SHISA9: variants seen among roughly 807,000 people sequenced by gnomAD.
SHISA9 encodes shisa family member 9.
SHISA9 carries 13 observed loss-of-function variants against 38.0 expected under a neutral mutation model. The ratio of observed to expected loss-of-function variants is 0.34; its 90% CI spans 0.22 to 0.54. The LOEUF (loss-of-function observed/expected upper bound fraction) is 0.54, where lower values mean the gene tolerates loss of function less well. Among genes scored for constraint, SHISA9 ranks in the 20% least tolerant of loss-of-function variants. The pLI is 0.91. For missense variants in SHISA9, 538 were observed against 575.8 expected, an observed-to-expected ratio of 0.93 and a Z score of 0.67; for synonymous variants, 275 against 242.0, an observed-to-expected ratio of 1.14 and a Z score of -1.27.
At chr16:13,356,293 G>T in the SHISA9 span, among the ~76,000 whole-genome samples, 1 of 152,212 alleles carries the variant, frequency 6.6e-6, no homozygotes, top group South Asian at 2.1e-4. Context: ...GAATAAGACG[G>T]CCTTTTGCCT....
the SHISA9 span, among the ~76,000 whole-genome samples, chr16:13,434,110 T>C: frequency 6.6e-6 from 1 of 152,080 alleles, no homozygotes; most frequent in South Asian, 2.1e-4. Context: ...GTCCCAAAGC[T>C]GAAGAACCTG....
At chr16:13,210,477 G>C (rs1213912318) in intron 3 of SHISA9, among the ~76,000 whole-genome samples, 1 of 152,104 alleles carries the variant, frequency 6.6e-6, no homozygotes, top group African/African-American at 2.4e-5. Context: ...GTTGCTATTT[G>C]ACAGATGATT....
At chr16:13,529,938 C>A in the SHISA9 span, among the ~76,000 whole-genome samples, 1 of 152,192 alleles carries the variant, frequency 6.6e-6, no homozygotes, top group Non-Finnish European at 1.5e-5. Flanking sequence ...TAACTGCAGC[C>A]AATGAGACAA....
chr16:13,060,234 A>C (rs1011441434), intron 2 of SHISA9, among the ~76,000 whole-genome samples: 3 of 152,098 alleles, frequency 2.0e-5, no homozygotes, highest in African/African-American at 4.8e-5. Flanking sequence ...TGGGAAAACC[A>C]TTTAGATTTC....
chr16:13,293,884 G>A, the SHISA9 span, among the ~76,000 whole-genome samples: 11 of 152,244 alleles, frequency 7.2e-5, no homozygotes, highest in Non-Finnish European at 1.5e-5. Flanking sequence ...ATAAGCCATA[G>A]GAACTTAGAA....
the SHISA9 span, among the ~76,000 whole-genome samples, chr16:13,334,890 T>C: frequency 6.6e-6 from 1 of 152,114 alleles, no homozygotes; most frequent in Non-Finnish European, 1.5e-5. Context: ...GCCACATCAA[T>C]GCTCAGCAAA....
chr16:13,114,730 C>G (rs960729067), intron 2 of SHISA9, among the ~76,000 whole-genome samples: 1 of 152,024 alleles, frequency 6.6e-6, no homozygotes, highest in Non-Finnish European at 1.5e-5. Context: ...TGCTTAATTC[C>G]TAGTCTCTTA....
At chr16:12,995,495 T>A (rs548506744) in intron 2 of SHISA9, among the ~76,000 whole-genome samples, 6 of 152,182 alleles carry the variant, frequency 3.9e-5, no homozygotes, top group Admixed American at 1.3e-4. Flanking sequence ...ATGGTGGGGT[T>A]CTATAGACCA....
At chr16:13,437,539 C>A in the SHISA9 span, among the ~76,000 whole-genome samples, 1 of 152,166 alleles carries the variant, frequency 6.6e-6, no homozygotes, top group African/African-American at 2.4e-5. Flanking sequence ...CCGGATGAGA[C>A]CCAGCCTGGC....
At chr16:13,168,630 C>T (rs1418150203) in intron 2 of SHISA9, among the ~76,000 whole-genome samples, 1 of 152,176 alleles carries the variant, frequency 6.6e-6, no homozygotes. Context: ...CTAGAGAAAG[C>T]TGGCCAGAAA....
the SHISA9 span, among the ~76,000 whole-genome samples, chr16:13,314,302 C>T: frequency 1.3e-5 from 2 of 152,072 alleles, no homozygotes; most frequent in East Asian, 1.9e-4. Context: ...AAACCTCCGC[C>T]TCCCGGGTTC....
rs537386855 is a variant in SHISA9 at position 13,025,297 on chromosome 16, G to T, written c.691+108482G>T. On this transcript the variant is annotated intron_variant, in intron 2 of 4. Transcript: ENST00000558583. The stretch of plus-strand genomic sequence containing the variant: ...AACGACATTACCTGGAAACTTGTTA[G>T]ACCTACAAATTCTCAGGACACACTG... 2.6e-5 allele frequency among the ~76,000 whole-genome samples: 4 copies of T among 152,278 alleles called. No homozygotes were observed. The South Asian group carries it at 8.3e-4, about 32-fold the overall frequency.
the SHISA9 span, among the ~76,000 whole-genome samples, chr16:13,512,611 C>G: frequency 2.6e-5 from 4 of 152,264 alleles, no homozygotes; most frequent in African/African-American, 7.2e-5. Context: ...TCAAACTATA[C>G]TACAAGGCAA....
intron 2 of SHISA9, among the ~76,000 whole-genome samples, chr16:13,085,397 G>C (rs532486261): frequency 6.6e-6 from 1 of 152,052 alleles, no homozygotes; most frequent in South Asian, 2.1e-4. Flanking sequence ...AAACATAAAG[G>C]CTTGTGTTGA....
At chr16:12,926,124 A>G (rs555782744) in intron 2 of SHISA9, among the ~76,000 whole-genome samples, 1 of 152,324 alleles carries the variant, frequency 6.6e-6, no homozygotes, top group Admixed American at 6.5e-5. Context: ...AGTTTAAGTA[A>G]CCTGCCCAAG....
the SHISA9 span, among the ~76,000 whole-genome samples, chr16:13,538,834 AGAATGG>A: frequency 6.6e-6 from 1 of 152,322 alleles, no homozygotes; most frequent in South Asian, 2.1e-4. Flanking sequence ...TTCAGTTCCA[AGAATGG>A]CAATCACAGC....
chr16:13,376,519 G>GT, the SHISA9 span, among the ~76,000 whole-genome samples: 8 of 152,242 alleles, frequency 5.3e-5, no homozygotes, highest in South Asian at 2.1e-4. Context: ...AACCAGAGCT[G>GT]TTTTTTTCCA....
chr16:12,981,033 C>G (rs1429809210), intron 2 of SHISA9, among the ~76,000 whole-genome samples: 1 of 152,198 alleles, frequency 6.6e-6, no homozygotes, highest in East Asian at 1.9e-4. Flanking sequence ...CTGTTGGAAT[C>G]TGTAACCCAA....
the SHISA9 span, among the ~76,000 whole-genome samples, chr16:13,450,265 C>T: frequency 2.6e-5 from 4 of 152,128 alleles, no homozygotes; most frequent in African/African-American, 7.2e-5. Context: ...ACACCTACCT[C>T]GTAGGGTTAT....
Sources: gnomAD v4.1 joint callset for allele counts (sites outside exome capture counted in the v4.1 genomes callset) on GRCh38, gnomAD v4.1.1 for gene constraint, MANE v1.5 for transcripts, NCBI Gene and HGNC (gene_info 2026-07-23, HGNC 2026-07-21) for gene names.